SLC24A3: variants seen among roughly 807,000 people sequenced by gnomAD.
The protein encoded by SLC24A3 is sodium/potassium/calcium exchanger 3.
SLC24A3 carries 28 observed loss-of-function variants against 75.8 expected under a neutral mutation model. The ratio of observed to expected loss-of-function variants is 0.37; its 90% CI spans 0.27 to 0.51. The LOEUF is 0.51. Among genes scored for constraint, SLC24A3 ranks in the 20% least tolerant of loss-of-function variants. The pLI is 0.94. For missense variants in SLC24A3, 663 were observed against 847.8 expected (o/e 0.78, Z 2.71); for synonymous variants, 372 against 334.1 (o/e 1.11, Z -1.24).
At chr20:19,718,484 C>T (rs373785004) in intron 16 of SLC24A3, among the ~76,000 whole-genome samples, 1 of 152,192 alleles carries the variant, frequency 6.6e-6, no homozygotes, top group East Asian at 1.9e-4. Context: ...TCATGCCCCC[C>T]ATGAGGTTCA....
At chr20:19,524,832 A>G (rs2030168680) in intron 3 of SLC24A3, among the ~76,000 whole-genome samples, 1 of 152,240 alleles carries the variant, frequency 6.6e-6, no homozygotes, top group African/African-American at 2.4e-5. Context: ...AACAAAAGCT[A>G]AGTAAATAAT....
At chr20:19,679,060 G>A (rs1484139822) in intron 9 of SLC24A3, among the ~76,000 whole-genome samples, 1 of 151,948 alleles carries the variant, frequency 6.6e-6, no homozygotes, top group Admixed American at 6.5e-5. Context: ...CCCAGACGAT[G>A]GGCGGCCAGG....
At chr20:19,277,059 G>T (rs1017646082) in intron 1 of SLC24A3, among the ~76,000 whole-genome samples, 1 of 152,164 alleles carries the variant, frequency 6.6e-6, no homozygotes, top group Non-Finnish European at 1.5e-5. Flanking sequence ...TAAGGTGCAG[G>T]CTGCATTATT....
At chr20:19,691,425 C>T (rs966472922) in intron 12 of SLC24A3, among the ~76,000 whole-genome samples, 12 of 152,052 alleles carry the variant, frequency 7.9e-5, no homozygotes, top group East Asian at 1.9e-4. Context: ...GTGGCAGGTG[C>T]GGCAAAATCA....
At chr20:19,329,138 G>A (rs1194286136) in intron 2 of SLC24A3, among the ~76,000 whole-genome samples, 1 of 152,100 alleles carries the variant, frequency 6.6e-6, no homozygotes. Context: ...GAAGGGGAAG[G>A]ATTGGAAGCA....
chr20:19,623,937 G>A (rs531537171), intron 6 of SLC24A3, among the ~76,000 whole-genome samples: 2 of 152,240 alleles, frequency 1.3e-5, no homozygotes, highest in East Asian at 1.9e-4. Context: ...GGAAGAAGAG[G>A]GGGAATTGAA....
intron 2 of SLC24A3, among the ~76,000 whole-genome samples, chr20:19,463,693 C>T (rs1216082963): frequency 6.6e-6 from 1 of 152,206 alleles, no homozygotes; most frequent in Non-Finnish European, 1.5e-5. Context: ...CAGGAGCCCT[C>T]TTCTGGGCCA....
In SLC24A3 at chr20:19,563,893, A is replaced by G. The variant is rs147602876; in HGVS notation, c.349-16107A>G. On this transcript the variant is annotated intron_variant, in intron 3 of 16. Transcript: ENST00000328041. ...ATTGTGATAACCCTCGGAAAGGCTC[A>G]GGTTACTAATAAGAACCTTTAGGCA... Among the ~76,000 whole-genome samples, 1,400 of 152,372 alleles carry G rather than the reference A, an allele frequency of 9.2e-3. 11 individuals carry two copies. The highest frequency in any genetic ancestry group is 0.016 in the Non-Finnish European group (1,067 of 68,038).
chr20:19,477,973 G>A (rs1301105126), intron 2 of SLC24A3, among the ~76,000 whole-genome samples: 1 of 152,186 alleles, frequency 6.6e-6, no homozygotes, highest in Non-Finnish European at 1.5e-5. Context: ...GAAATAGAAT[G>A]CCCAGGTCCC....
At chr20:19,525,038 C>T (rs2030173014) in intron 3 of SLC24A3, among the ~76,000 whole-genome samples, 1 of 152,200 alleles carries the variant, frequency 6.6e-6, no homozygotes, top group African/African-American at 2.4e-5. Context: ...AACTGCAGAA[C>T]AAGACCTGCT....
intron 8 of SLC24A3, among the ~76,000 whole-genome samples, chr20:19,667,467 G>T (rs1459151489): frequency 6.6e-6 from 1 of 152,218 alleles, no homozygotes; most frequent in African/African-American, 2.4e-5. Flanking sequence ...GGCGTAGTTA[G>T]CACAACCACT....
At chr20:19,676,643 A>G (rs1346688312) in intron 9 of SLC24A3, among the ~76,000 whole-genome samples, 1 of 152,246 alleles carries the variant, frequency 6.6e-6, no homozygotes, top group African/African-American at 2.4e-5. Flanking sequence ...CATATATTAG[A>G]ATCGTCAGCT....
chr20:19,373,773 C>G (rs1443817804), intron 2 of SLC24A3, among the ~76,000 whole-genome samples: 1 of 152,030 alleles, frequency 6.6e-6, no homozygotes, highest in Non-Finnish European at 1.5e-5. Context: ...CATCATTTTC[C>G]TGGAGTGGGT....
At chr20:19,311,733 T>C (rs1984461537) in intron 2 of SLC24A3, among the ~76,000 whole-genome samples, 1 of 152,044 alleles carries the variant, frequency 6.6e-6, no homozygotes, top group East Asian at 1.9e-4. Context: ...GATAGCCTGT[T>C]AGTAACAACA....
chr20:19,478,379 C>T (rs1568629470), intron 2 of SLC24A3, among the ~76,000 whole-genome samples: 1 of 152,198 alleles, frequency 6.6e-6, no homozygotes, highest in Non-Finnish European at 1.5e-5. Context: ...TTGTTCTCGG[C>T]ATGATCTTTC....
intron 2 of SLC24A3, among the ~76,000 whole-genome samples, chr20:19,313,960 G>A (rs902857692): frequency 6.6e-6 from 1 of 152,186 alleles, no homozygotes; most frequent in Admixed American, 6.5e-5. Context: ...CCAGATACAT[G>A]AGTTGAACTA....
chr20:19,261,632 A>G, intron 1 of SLC24A3: 1 of 152,378 alleles, frequency 6.6e-6, no homozygotes, highest in Non-Finnish European at 1.5e-5. Flanking sequence ...TACAGACGTG[A>G]GGCATTGTGC....
At chr20:19,616,741 T>G (rs1322696385) in intron 6 of SLC24A3, among the ~76,000 whole-genome samples, 1 of 152,094 alleles carries the variant, frequency 6.6e-6, no homozygotes, top group African/African-American at 2.4e-5. Context: ...AGCCACTCCC[T>G]TAGGGATGTC....
intron 2 of SLC24A3, among the ~76,000 whole-genome samples, chr20:19,468,686 C>T (rs984128648): frequency 5.9e-5 from 9 of 152,122 alleles, no homozygotes; most frequent in African/African-American, 1.7e-4. Flanking sequence ...GCTTCCATGG[C>T]CTGTTTAGGC....
Sources: gnomAD v4.1 joint callset for allele counts (sites outside exome capture counted in the v4.1 genomes callset) on GRCh38, gnomAD v4.1.1 for gene constraint, MANE v1.5 for transcripts, NCBI Gene and HGNC (gene_info 2026-07-23, HGNC 2026-07-21) for gene names.